Variants in NWD2 observed in about 807,000 individuals in gnomAD.
NWD2 encodes the protein NACHT and WD repeat domain containing 2, also known as NACHT and WD repeat domain-containing protein 2.
Under a neutral mutation model 132.7 loss-of-function variants are expected in NWD2, and 37 were observed. That is an observed-to-expected ratio of 0.28 (90% CI 0.21 to 0.37). The LOEUF (loss-of-function observed/expected upper bound fraction) is 0.37, where lower values mean the gene tolerates loss of function less well. Among genes scored for constraint, NWD2 ranks in the 10% least tolerant of loss-of-function variants. The probability of loss-of-function intolerance (pLI) is 1.00; values close to 1 mark genes in which losing one functional copy is unlikely to be tolerated. For missense variants in NWD2, 1,592 were observed against 2,122.4 expected (o/e 0.75, Z 4.91); for synonymous variants, 705 against 803.0 (o/e 0.88, Z 2.06).
chr4:37,411,171 A>G (rs892473840), intron 3 of NWD2, among the ~76,000 whole-genome samples: 11 of 152,156 alleles, frequency 7.2e-5, no homozygotes, highest in African/African-American at 2.7e-4. Flanking sequence ...AGACAGAGAC[A>G]TGAAAAAACT....
intron 1 of NWD2, among the ~76,000 whole-genome samples, chr4:37,249,409 G>A (rs981877504): frequency 1.3e-5 from 2 of 152,208 alleles, no homozygotes; most frequent in Non-Finnish European, 2.9e-5. Flanking sequence ...TTGAACCCAA[G>A]AATTAGACAG....
chr4:37,338,281 C>T (rs1034030618), intron 2 of NWD2, among the ~76,000 whole-genome samples: 2 of 152,194 alleles, frequency 1.3e-5, no homozygotes, highest in African/African-American at 4.8e-5. Context: ...CAAACCCAGC[C>T]GTGACTGCCA....
At chr4:37,308,745 G>T (rs1718766789) in intron 1 of NWD2, among the ~76,000 whole-genome samples, 2 of 152,104 alleles carry the variant, frequency 1.3e-5, no homozygotes, top group African/African-American at 2.4e-5. Context: ...CAGGCCCCTG[G>T]TTGAGGGTAC....
chr4:37,378,359 A>G (rs1720389187), intron 3 of NWD2, among the ~76,000 whole-genome samples: 1 of 152,250 alleles, frequency 6.6e-6, no homozygotes, highest in Non-Finnish European at 1.5e-5. Flanking sequence ...AGAGAAAATG[A>G]AAAACAGTCC....
At position 37,445,718 on chromosome 4, in the gene NWD2, G is replaced by T. The variant is rs1712617378; in HGVS notation, c.3730G>T (p.Asp1244Tyr). The T allele has an allele frequency of 6.4e-7, 1 of 1,551,848 alleles. No homozygotes were observed. Among genetic ancestry groups the T allele is most frequent in the South Asian group, 1.2e-5 (1 of 84,056 alleles). Residue 1244 changes from aspartate to tyrosine, a missense_variant, in exon 7 of 7, where the codon GAT (aspartate) becomes TAT (tyrosine). Physicochemically the swap from Asp to Tyr is radical, Grantham distance 160. Transcript: ENST00000309447. The surrounding 1 kb of genome is among the most constrained non-coding windows in gnomAD (Gnocchi z 4.7). ...ATCTGCCGTGCTGTCTAAAAATGGA[G>T]ATTGTATCATCGCCACCATGGAAAA... ...FISAVLSKNG[D>Y]CIIATMENTS...
At chr4:37,421,620 T>G (rs1320182570) in intron 3 of NWD2, among the ~76,000 whole-genome samples, 1 of 152,230 alleles carries the variant, frequency 6.6e-6, no homozygotes, top group Admixed American at 6.5e-5. Flanking sequence ...AATTGTTAGC[T>G]CTCAAAGAAA....
At chr4:37,432,949 A>C (rs1712219819) in intron 4 of NWD2, among the ~76,000 whole-genome samples, 1 of 152,186 alleles carries the variant, frequency 6.6e-6, no homozygotes, top group Non-Finnish European at 1.5e-5. Context: ...AATGTCCTTG[A>C]TTCAGTCAGC....
chr4:37,386,533 T>C (rs955786154), intron 3 of NWD2, among the ~76,000 whole-genome samples: 2 of 152,198 alleles, frequency 1.3e-5, no homozygotes, highest in Non-Finnish European at 2.9e-5. Context: ...CTGCACACCC[T>C]GAACATGCAG....
chr4:37,364,929 A>G (rs188645436), intron 3 of NWD2, among the ~76,000 whole-genome samples: 26 of 152,342 alleles, frequency 1.7e-4, no homozygotes, highest in Admixed American at 4.6e-4. Flanking sequence ...GTTGTTATTC[A>G]GCAAGTTTGT....
At chr4:37,388,943 C>T (rs946709718) in intron 3 of NWD2, among the ~76,000 whole-genome samples, 6 of 151,154 alleles carry the variant, frequency 4.0e-5, no homozygotes, top group African/African-American at 1.5e-4. Context: ...ATGGTGTCTA[C>T]GCCTAGTTCC....
chr4:37,268,535 A>C (rs1367359819), intron 1 of NWD2, among the ~76,000 whole-genome samples: 3 of 151,938 alleles, frequency 2.0e-5, no homozygotes, highest in African/African-American at 7.2e-5. Flanking sequence ...CCTTGCCAGG[A>C]AGCATCTAGT....
At chr4:37,411,384 A>G (rs927753068) in intron 3 of NWD2, among the ~76,000 whole-genome samples, 10 of 152,226 alleles carry the variant, frequency 6.6e-5, no homozygotes, top group Non-Finnish European at 1.3e-4. Flanking sequence ...GAAAATCTAG[A>G]AGAAATGGAT....
At chr4:37,357,558 T>C (rs1432656799) in intron 3 of NWD2, among the ~76,000 whole-genome samples, 1 of 152,108 alleles carries the variant, frequency 6.6e-6, no homozygotes, top group East Asian at 1.9e-4. Flanking sequence ...TGCTCTTAGG[T>C]GCTGGGGGTG....
chr4:37,418,204 TC>T (rs1711684035), intron 3 of NWD2, among the ~76,000 whole-genome samples: 1 of 151,836 alleles, frequency 6.6e-6, no homozygotes, highest in African/African-American at 2.4e-5. Flanking sequence ...ACGAAAGAGC[TC>T]CCAATGGCCA....
intron 1 of NWD2, among the ~76,000 whole-genome samples, chr4:37,274,891 C>A (rs562055513): frequency 2.5e-5 from 1 of 40,640 alleles, no homozygotes; most frequent in African/African-American, 2.6e-4. Flanking sequence ...ACCCTTCATG[C>A]TAAAAACTCA....
chr4:37,383,370 T>C (rs941872993), intron 3 of NWD2, among the ~76,000 whole-genome samples: 5 of 152,216 alleles, frequency 3.3e-5, no homozygotes, highest in Admixed American at 2.6e-4. Context: ...GAAATTATGT[T>C]CTTGATATGC....
chr4:37,348,519 G>A (rs1719684655), intron 2 of NWD2, among the ~76,000 whole-genome samples: 1 of 149,548 alleles, frequency 6.7e-6, no homozygotes, highest in Non-Finnish European at 1.5e-5. Flanking sequence ...GTGAATTCCA[G>A]GCCATGACCA....
intron 1 of NWD2, among the ~76,000 whole-genome samples, chr4:37,319,581 T>C (rs1043871400): frequency 1.3e-5 from 2 of 152,214 alleles, no homozygotes; most frequent in Non-Finnish European, 2.9e-5. Flanking sequence ...TCTTAGGTTT[T>C]CTTTTGGGAT....
At chr4:37,381,889 T>C (rs1306789055) in intron 3 of NWD2, among the ~76,000 whole-genome samples, 1 of 152,196 alleles carries the variant, frequency 6.6e-6, no homozygotes, top group East Asian at 1.9e-4. Context: ...TTCAAAAGAA[T>C]TGATGTTGAA....
Sources: allele counts gnomAD v4.1 joint callset (sites outside exome capture counted in the v4.1 genomes callset), GRCh38; gene constraint gnomAD v4.1.1; non-coding constraint Gnocchi (gnomAD v3.1); transcripts MANE v1.5; gene names NCBI Gene and HGNC (gene_info 2026-07-23, HGNC 2026-07-21).